CCDC144A: variants seen among roughly 807,000 people sequenced by gnomAD.
CCDC144A encodes the protein coiled-coil domain containing 144A.
In CCDC144A, 41 loss-of-function variants were observed where a neutral mutation model predicts 143.8. The observed-to-expected ratio is 0.29, with a 90% CI of 0.22 to 0.37. The LOEUF (loss-of-function observed/expected upper bound fraction) is 0.37. Among genes scored for constraint, CCDC144A ranks in the 10% least tolerant of loss-of-function variants. The pLI, the probability that CCDC144A is intolerant of heterozygous loss-of-function variation, is 1.00. For synonymous variants in CCDC144A, 242 were observed against 517.9 expected, an observed-to-expected ratio of 0.47 and a Z score of 7.23; for missense variants, 637 against 1,488.8, an observed-to-expected ratio of 0.43 and a Z score of 9.41.
chr17:16,738,079 T>C (rs550773059), intron 12 of CCDC144A, among the ~76,000 whole-genome samples: 1 of 152,300 alleles, frequency 6.6e-6, no homozygotes, highest in Admixed American at 6.5e-5. Context: ...TTATTTCTTA[T>C]CTTTTGTGAA....
the CCDC144A span, among the ~76,000 whole-genome samples, chr17:16,668,579 T>C: frequency 6.6e-6 from 1 of 152,226 alleles, no homozygotes; most frequent in South Asian, 2.1e-4. Context: ...AAAGTGCATT[T>C]TTAATTTTTT....
chr17:16,693,998 A>G (rs1295997337), intron 2 of CCDC144A, among the ~76,000 whole-genome samples: 3 of 147,884 alleles, frequency 2.0e-5, no homozygotes, highest in Non-Finnish European at 4.6e-5. Flanking sequence ...TAAGGCAGAA[A>G]AAATACGCTT....
chr17:16,764,248 C>T (rs1915505443), intron 15 of CCDC144A, 73 bp downstream of exon 15: 2 of 1,552,818 alleles, frequency 1.3e-6, no homozygotes, highest in Non-Finnish European at 8.7e-7. Flanking sequence ...AAAATAGTTA[C>T]TTAATTGTCT....
intron 8 of CCDC144A, among the ~76,000 whole-genome samples, chr17:16,723,938 TCA>T (rs1913238891): frequency 6.6e-6 from 1 of 152,066 alleles, no homozygotes; most frequent in African/African-American, 2.4e-5. Flanking sequence ...AAGATAAAAG[TCA>T]AGACCATTGA....
rs116202734 is a variant in CCDC144A at position 16,769,825 on chromosome 17, T to G, written c.4099-2152T>G. ...CAGTTTATAGATGCATTTTCTCTTT[T>G]TTGTTGTTGTTGTTGTTTTTGAGGC... On this transcript the variant is annotated intron_variant, in intron 15 of 16. Transcript: ENST00000399273. 8.3e-3 allele frequency among the ~76,000 whole-genome samples: 1,264 copies of G among 152,008 alleles called. 13 individuals are homozygous for G. Among genetic ancestry groups the G allele is most frequent in the African/African-American group, 0.029 (1,203 of 41,512 alleles).
chr17:16,696,424 G>A (rs1263146595), intron 2 of CCDC144A, among the ~76,000 whole-genome samples: 1 of 151,120 alleles, frequency 6.6e-6, no homozygotes, highest in African/African-American at 2.4e-5. Flanking sequence ...AAGGTCAGGA[G>A]ATCGAGACCA....
chr17:16,771,747 A>G (rs1423541151), intron 15 of CCDC144A, among the ~76,000 whole-genome samples: 1 of 152,272 alleles, frequency 6.6e-6, no homozygotes, highest in East Asian at 1.9e-4. Flanking sequence ...CAACAGACCA[A>G]TATTAATTGT....
chr17:16,705,139 C>T lies in CCDC144A; in HGVS notation c.416-12C>T, dbSNP rs1245037168. On this transcript the variant is annotated splice_polypyrimidine_tract_variant and intron_variant, in intron 2 of 16. Transcript: ENST00000399273. ...ATCCTAAAAATGAAAACTTCATTTT[C>T]GGATTTTTCAGATTGGCATCCTACT... 21 of 1,014,794 alleles carry T rather than the reference C, an allele frequency of 2.1e-5. No homozygotes were observed. The highest frequency in any genetic ancestry group is 3.0e-4 in the Middle Eastern group (1 of 3,282). 62.9% of individuals were successfully genotyped at this position (1,014,794 alleles called of 1,614,324 possible).
In CCDC144A at chr17:16,742,542, C is replaced by T. The variant is rs186610463; in HGVS notation, c.3372+6899C>T. Among the ~76,000 whole-genome samples, 871 of 152,132 alleles carry T rather than the reference C, an allele frequency of 5.7e-3. 12 individuals carry two copies. The highest frequency in any genetic ancestry group is 0.02 in the African/African-American group (826 of 41,448). On this transcript the variant is annotated intron_variant, in intron 12 of 16. Transcript: ENST00000399273. ...AATCAACATGGGAATACTGGTATCC[C>T]TTTGATATGCTGATTTTCTTTCTTT... is the stretch of plus-strand genomic sequence containing the variant.
intron 15 of CCDC144A, among the ~76,000 whole-genome samples, chr17:16,771,575 G>A (rs1303944013): frequency 2.0e-5 from 3 of 152,242 alleles, no homozygotes; most frequent in African/African-American, 7.2e-5. Flanking sequence ...GGAGTTCATT[G>A]TAAGGAACTA....
At chr17:16,770,701 A>T (rs1915794060) in intron 15 of CCDC144A, among the ~76,000 whole-genome samples, 1 of 152,062 alleles carries the variant, frequency 6.6e-6, no homozygotes, top group Admixed American at 6.5e-5. Flanking sequence ...ACTTTTTTAA[A>T]TTGCATAAAA....
intron 15 of CCDC144A, among the ~76,000 whole-genome samples, chr17:16,770,940 T>G (rs1915802984): frequency 6.6e-6 from 1 of 152,124 alleles, no homozygotes; most frequent in Non-Finnish European, 1.5e-5. Flanking sequence ...AATGTTTTTG[T>G]CACAGAAATG....
At chr17:16,683,518 ATGCCG>A in the CCDC144A span, 2 of 1,525,556 alleles carry the variant, frequency 1.3e-6, no homozygotes, top group Admixed American at 3.3e-5. Context: ...GGGATGTTCT[ATGCCG>A]TGAGGAGGGG....
At chr17:16,674,130 T>G in the CCDC144A span, among the ~76,000 whole-genome samples, 2 of 152,096 alleles carry the variant, frequency 1.3e-5, no homozygotes, top group Non-Finnish European at 2.9e-5. Context: ...TTTCAACCTT[T>G]TGGCTGGGCA....
chr17:16,737,260 G>A (rs1367427984), intron 12 of CCDC144A, among the ~76,000 whole-genome samples: 4 of 138,008 alleles, frequency 2.9e-5, no homozygotes, highest in African/African-American at 1.1e-4. Context: ...TCCGCCTCCC[G>A]GGTTCACGCC....
upstream of CCDC144A, among the ~76,000 whole-genome samples, chr17:16,689,294 C>G (rs1159368163): frequency 7.9e-5 from 12 of 152,102 alleles, no homozygotes; most frequent in Non-Finnish European, 4.4e-5. Context: ...CTCCCGGGTT[C>G]AAGAGATTCT....
intron 15 of CCDC144A, among the ~76,000 whole-genome samples, chr17:16,768,609 A>G (rs1433294350): frequency 3.9e-5 from 6 of 152,228 alleles, no homozygotes; most frequent in Admixed American, 3.3e-4. Flanking sequence ...TTCACATTCT[A>G]GATTAACCCT....
intron 15 of CCDC144A, among the ~76,000 whole-genome samples, chr17:16,770,353 G>A (rs1157845620): frequency 6.6e-6 from 1 of 152,142 alleles, no homozygotes; most frequent in Admixed American, 6.5e-5. Flanking sequence ...GTTTCATTGT[G>A]TTAGCCAGGA....
At chr17:16,667,469 G>GTGAGGGGC in the CCDC144A span, among the ~76,000 whole-genome samples, 9 of 151,724 alleles carry the variant, frequency 5.9e-5, no homozygotes, top group East Asian at 1.9e-4. Context: ...GCTGACGCGG[G>GTGAGGGGC]TGAGGGGCTG....
Sources: gnomAD v4.1 joint callset for allele counts (sites outside exome capture counted in the v4.1 genomes callset) on GRCh38, gnomAD v4.1.1 for gene constraint, MANE v1.5 for transcripts, NCBI Gene and HGNC (gene_info 2026-07-23, HGNC 2026-07-21) for gene names.